The following SHROOM1 variants were observed in gnomAD, a reference collection of about 807,000 sequenced individuals.
SHROOM1 encodes protein Shroom1.
Under a neutral mutation model 64.2 loss-of-function variants are expected in SHROOM1, and 53 were observed. The ratio of observed to expected loss-of-function variants is 0.83; its 90% CI spans 0.66 to 1.04. The LOEUF (loss-of-function observed/expected upper bound fraction) is 1.04, where lower values mean the gene tolerates loss of function less well. SHROOM1 is among the 50% of genes least tolerant of loss of function. The pLI is 0.00. For synonymous variants in SHROOM1, 490 were observed against 518.9 expected, an observed-to-expected ratio of 0.94 and a Z score of 0.76; for missense variants, 1,179 against 1,163.2, an observed-to-expected ratio of 1.01 and a Z score of -0.20.
rs1297887738 is a variant in SHROOM1, at chr5:132,823,399, C to T, written c.2077G>A (p.Ala693Thr). ...QAALEAAVRQ[A>T]CAPQELERFS... ...CGCTCCAGCTCCTGAGGGGCACAGG[C>T]CTGGCGCACTGCAGCCTCCAGAGCC... Residue 693 changes from alanine to threonine, a missense_variant, in exon 9 of 10, where the codon GCC becomes ACC. By Grantham distance (58) the Ala-to-Thr change is moderately conservative. Transcript: ENST00000378679. This position sits in a 1 kb window ranked among gnomAD's most constrained non-coding sequence, Gnocchi z 4.6. 1 of 1,610,692 alleles carries T rather than the reference C, an allele frequency of 6.2e-7. No individual in the cohort carries two copies. Among genetic ancestry groups the T allele is most frequent in the South Asian group, 1.1e-5 (1 of 91,050 alleles).
Position 132,823,618 on chromosome 5 carries a change from C to G in SHROOM1, c.1953+5G>C. 6.3e-7 allele frequency: 1 copy of G among 1,582,664 alleles called. No individual in the cohort carries two copies. Among genetic ancestry groups the G allele is most frequent in the East Asian group, 2.3e-5 (1 of 44,440 alleles). On this transcript the variant is annotated splice_donor_5th_base_variant and intron_variant, in intron 8 of 9. Coordinates refer to ENST00000378679, the MANE Select transcript of SHROOM1 (RefSeq NM_001172700.2). The surrounding 1 kb of genome is among the most constrained non-coding windows in gnomAD (Gnocchi z 4.6). ...CCCAGCCTCCACCAGCCCTTCTCCA[C>G]TCACTTTCTTGCCCTGGATGCTGTT...
chr5:132,828,667 A>G (rs940533085), intron 1 of SHROOM1, among the ~76,000 whole-genome samples: 3 of 152,330 alleles, frequency 2.0e-5, no homozygotes, highest in East Asian at 3.9e-4. Context: ...ATGAAAATCT[A>G]TCTTATTTGT....
At chr5:132,829,861 C>T (rs1758798062) in intron 1 of SHROOM1, 7 of 985,484 alleles carry the variant, frequency 7.1e-6, no homozygotes, top group Non-Finnish European at 8.4e-6. Flanking sequence ...GACAGCGCAC[C>T]CCACGCAGCA....
Position 132,825,810 on chromosome 5 carries a change from C to G in SHROOM1, c.331G>C (p.Ala111Pro). The stretch of plus-strand genomic sequence containing the variant: ...GCCAGCGCGTACAGCAGCGGGGTGG[C>G]CTGCCTGTTCAGTGGTCCCGGGGTC... Reference protein sequence around the residue: ...PGTPGPLNRQATPLLYALAAE... With the variant: ...PGTPGPLNRQPTPLLYALAAE... Residue 111 changes from alanine (A) to proline (P), a missense_variant, in exon 4 of 10, where the codon GCC becomes CCC. Coordinates refer to ENST00000378679, the MANE Select transcript of SHROOM1 (RefSeq NM_001172700.2). This position sits in a 1 kb window ranked among gnomAD's most constrained non-coding sequence, Gnocchi z 5.1. 1 of 1,251,298 alleles carries G rather than the reference C, an allele frequency of 8.0e-7. No homozygotes were observed. The highest frequency in any genetic ancestry group is 3.5e-5 in the South Asian group (1 of 28,394). The allele number at this position is 1,251,298 out of a possible 1,614,324, so 77.5% of individuals were successfully genotyped here.
chr5:132,824,905 A>C lies in SHROOM1; in HGVS notation c.1035-84T>G. The C allele has an allele frequency of 6.2e-6, 10 of 1,601,014 alleles. No homozygotes were observed. In the Admixed American group the frequency reaches 1.4e-4, roughly 22 times the overall value. On this transcript the variant is annotated intron_variant, in intron 5 of 9. Transcript: ENST00000378679. ...CCAGGGAGACAGTAGGGTATTTTCAAAATAACCAGAAGGCTCAGACTGAGG... is the reference window on the plus strand; with the variant it reads ...CCAGGGAGACAGTAGGGTATTTTCACAATAACCAGAAGGCTCAGACTGAGG...
At position 132,823,929 on chromosome 5, in the gene SHROOM1, G is replaced by C. The variant is rs549882743; in HGVS notation, c.1732C>G (p.Pro578Ala). 3.8e-6 allele frequency: 6 copies of C among 1,574,424 alleles called. No homozygotes were observed. In the African/African-American group the frequency reaches 8.1e-5, roughly 21 times the overall value. ...ATTGCAGCCCGGACCTCTGCTAAAGGAATCAGTCCATCCAGCAGGCCCAGG... is the reference window on the plus strand; with the variant it reads ...ATTGCAGCCCGGACCTCTGCTAAAGCAATCAGTCCATCCAGCAGGCCCAGG... The part of the protein sequence containing the change: ...PPLGLLDGLI[P>A]LAEVRAAMRP... Residue 578 changes from proline (P) to alanine (A), a missense_variant, in exon 7 of 10, where the codon CCT becomes GCT. Coordinates refer to ENST00000378679, the MANE Select transcript of SHROOM1 (RefSeq NM_001172700.2). This position sits in a 1 kb window ranked among gnomAD's most constrained non-coding sequence, Gnocchi z 4.6.
At chr5:132,824,930 G>A (rs1347870871) in intron 5 of SHROOM1, 88 bp downstream of exon 5, 2 of 1,601,254 alleles carry the variant, frequency 1.2e-6, no homozygotes, top group East Asian at 2.2e-5. Flanking sequence ...TCAGACTGAG[G>A]GTAGGTAGGA....
chr5:132,825,240 C>T lies in SHROOM1; in HGVS notation c.901G>A (p.Ala301Thr), dbSNP rs759387484. The change falls in exon 4 of 10, where the codon GCC (alanine) becomes ACC (threonine). Residue 301 changes from alanine (A) to threonine (T), a missense_variant. Ala to Thr is a moderately conservative substitution (Grantham distance 58). Transcript: ENST00000378679. This position sits in a 1 kb window ranked among gnomAD's most constrained non-coding sequence, Gnocchi z 5.1. ...CCTGAAGCGCTCCGACTCCGACTGG[C>T]GGGCCTGAAGGCATCACCGAGCTTC... ...SLKLGDAFRP[A>T]SRSRSASGEV... The T allele has an allele frequency of 6.2e-6, 10 of 1,613,740 alleles. No individual in the cohort carries two copies. In the African/African-American group the frequency reaches 6.7e-5, roughly 11 times the overall value.
At chr5:132,826,644 G>C (rs1191626404) in intron 2 of SHROOM1, 57 bp from the exon 3 acceptor site, 1 of 153,686 alleles carries the variant, frequency 6.5e-6, no homozygotes, top group Non-Finnish European at 1.4e-5. Flanking sequence ...AGAAAGGAGG[G>C]GTGGGGGAAG....
Position 132,825,549 on chromosome 5 carries a change from G to C in SHROOM1, c.592C>G (p.Pro198Ala). ...GGCGCGGGAGCCCGGGAGCGCGCCG[G>C]CTCCCCCTCCCCGCCCGGGTGGCTG... Reference protein sequence around the residue: ...SLSHPGGEGEPARSRAPAPGT... With the variant: ...SLSHPGGEGEAARSRAPAPGT... The change falls in exon 4 of 10, where the codon CCG (proline) becomes GCG (alanine). Residue 198 changes from proline (P) to alanine (A), a missense_variant. Physicochemically the swap from Pro to Ala is conservative, Grantham distance 27. Coordinates refer to ENST00000378679, the MANE Select transcript of SHROOM1 (RefSeq NM_001172700.2). This position sits in a 1 kb window ranked among gnomAD's most constrained non-coding sequence, Gnocchi z 5.1. 7.0e-7 allele frequency: 1 copy of C among 1,426,558 alleles called. No individual in the cohort carries two copies. The highest frequency in any genetic ancestry group is 9.1e-7 in the Non-Finnish European group (1 of 1,098,322). 88.4% of individuals were successfully genotyped at this position (1,426,558 alleles called of 1,614,324 possible). A position where few individuals can be genotyped will look rare whatever the true frequency, so the allele number is the denominator to read the frequency against.
chr5:132,829,902 G>T (rs1758798811), intron 1 of SHROOM1: 2 of 985,370 alleles, frequency 2.0e-6, no homozygotes, highest in African/African-American at 1.7e-5. Context: ...CTGGTTTACG[G>T]GCTCATCGGT....
chr5:132,830,126 A>G lies in SHROOM1; in HGVS notation c.-501+468T>C. 8.1e-6 allele frequency: 8 copies of G among 985,270 alleles called. No homozygotes were observed. The highest frequency in any genetic ancestry group is 4.7e-5 in the South Asian group (1 of 21,286). 61.0% of individuals were successfully genotyped at this position (985,270 alleles called of 1,614,324 possible). A position where few individuals can be genotyped will look rare whatever the true frequency, so the allele number is the denominator to read the frequency against. On this transcript the variant is annotated intron_variant, in intron 1 of 9. Coordinates refer to ENST00000378679, the MANE Select transcript of SHROOM1 (RefSeq NM_001172700.2). This position sits in a 1 kb window ranked among gnomAD's most constrained non-coding sequence, Gnocchi z 5.9. The stretch of plus-strand genomic sequence containing the variant: ...GCAGAGACACGCGGAGCGGCTCGAC[A>G]GCAGATGGCCGCAGCCCCGCGCAGT...
In SHROOM1 at chr5:132,825,560, C is replaced by T; in HGVS notation, c.581G>A (p.Gly194Glu). The stretch of plus-strand genomic sequence containing the variant: ...CCGGGAGCGCGCCGGCTCCCCCTCC[C>T]CGCCCGGGTGGCTGAGCGAGGCGGA... ...PRSASLSHPGGEGEPARSRAP... is the reference protein window; with the variant it reads ...PRSASLSHPGEEGEPARSRAP... Residue 194 changes from glycine (G) to glutamate (E), a missense_variant, in exon 4 of 10, where the codon GGG becomes GAG. Coordinates refer to ENST00000378679, the MANE Select transcript of SHROOM1 (RefSeq NM_001172700.2). The surrounding 1 kb of genome is among the most constrained non-coding windows in gnomAD (Gnocchi z 5.1). 1 of 1,415,746 alleles carries T rather than the reference C, an allele frequency of 7.1e-7. No homozygotes were observed. The highest frequency in any genetic ancestry group is 9.1e-7 in the Non-Finnish European group (1 of 1,093,418). 87.7% of individuals were successfully genotyped at this position (1,415,746 alleles called of 1,614,324 possible).
In SHROOM1 at chr5:132,825,639, G is replaced by A; in HGVS notation, c.502C>T (p.Pro168Ser). ...GGGACAGTGGGCCGCAGACGGGCGG[G>A]CAGGCTCATGCGGAGCTCCTTGCGC... is the stretch of plus-strand genomic sequence containing the variant. ...FQRKELRMSL[P>S]ARLRPTVPAR... Residue 168 changes from proline (P) to serine (S), a missense_variant, in exon 4 of 10, where the codon CCC becomes TCC. By Grantham distance (74) the Pro-to-Ser change is moderately conservative (BLOSUM62 -1). Transcript: ENST00000378679. This position sits in a 1 kb window ranked among gnomAD's most constrained non-coding sequence, Gnocchi z 5.1. 1 of 1,345,642 alleles carries A rather than the reference G, an allele frequency of 7.4e-7. No individual in the cohort carries two copies. Among genetic ancestry groups the A allele is most frequent in the Non-Finnish European group, 9.5e-7 (1 of 1,055,514 alleles). 83.4% of individuals were successfully genotyped at this position (1,345,642 alleles called of 1,614,324 possible).
In SHROOM1 at chr5:132,822,852, G is replaced by A. The variant is rs1044944431; in HGVS notation, c.2503C>T (p.Arg835Trp). The change falls in exon 10 of 10, where the codon CGG becomes TGG. Residue 835 changes from arginine to tryptophan, a missense_variant. Physicochemically the swap from Arg to Trp is moderately radical, Grantham distance 101. Coordinates refer to ENST00000378679, the MANE Select transcript of SHROOM1 (RefSeq NM_001172700.2). Reference protein sequence around the residue: ...GHHAPSPSPARPPGTCPPVQP... With the variant: ...GHHAPSPSPAWPPGTCPPVQP... The stretch of plus-strand genomic sequence containing the variant: ...ACTGGAGGACAGGTCCCTGGGGGCC[G>A]CGCCGGGCTGGGAGACGGGGCATGA... 6 of 1,613,112 alleles carry A rather than the reference G, an allele frequency of 3.7e-6. No individual in the cohort carries two copies. The highest frequency in any genetic ancestry group is 5.1e-6 in the Non-Finnish European group (6 of 1,179,840).
rs1758522568 is a variant in SHROOM1 at position 132,823,380 on chromosome 5, A to AG, written c.2095dup (p.Leu699ProfsTer42). 1 of 1,609,578 alleles carries AG rather than the reference A, an allele frequency of 6.2e-7. No homozygotes were observed. Among genetic ancestry groups the AG allele is most frequent in the Non-Finnish European group, 8.5e-7 (1 of 1,179,760 alleles). On this transcript the variant is annotated frameshift_variant, in exon 9 of 10. Transcript: ENST00000378679. LOFTEE classifies it high-confidence loss of function. This position sits in a 1 kb window ranked among gnomAD's most constrained non-coding sequence, Gnocchi z 4.6. ...GGCCATGAACCGGCTGAACCGCTCCAGCTCCTGAGGGGCACAGGCCTGGCG... is the reference window on the plus strand; with the variant it reads ...GGCCATGAACCGGCTGAACCGCTCCAGGCTCCTGAGGGGCACAGGCCTGGCG...
In SHROOM1 at chr5:132,825,530, G is replaced by A. The variant is rs749197644; in HGVS notation, c.611C>T (p.Pro204Leu). ...GEGEPARSRAPAPGTAGRGPL... is the reference protein window; with the variant it reads ...GEGEPARSRALAPGTAGRGPL... The stretch of plus-strand genomic sequence containing the variant: ...ACCCCGGCCGGCAGTTCCTGGCGCG[G>A]GAGCCCGGGAGCGCGCCGGCTCCCC... The change falls in exon 4 of 10, where the codon CCC becomes CTC. Residue 204 changes from proline (P) to leucine (L), a missense_variant. By Grantham distance (98) the Pro-to-Leu change is moderately conservative (BLOSUM62 -3). Transcript: ENST00000378679. This position sits in a 1 kb window ranked among gnomAD's most constrained non-coding sequence, Gnocchi z 5.1. The A allele has an allele frequency of 6.9e-7, 1 of 1,448,170 alleles. No individual in the cohort carries two copies. The highest frequency in any genetic ancestry group is 9.0e-7 in the Non-Finnish European group (1 of 1,109,090). 89.7% of individuals were successfully genotyped at this position (1,448,170 alleles called of 1,614,324 possible).
chr5:132,827,251 C>G lies in SHROOM1; in HGVS notation c.-354+210G>C, dbSNP rs543330455. Among the ~76,000 whole-genome samples, 4 of 152,328 alleles carry G rather than the reference C, an allele frequency of 2.6e-5. No individual in the cohort carries two copies. The South Asian group carries it at 6.2e-4, about 24-fold the overall frequency. ...CCTCCCATTCCCACCCCTGAGCTTC[C>G]TGAGAATGGGCCCTGCTCTTCCTCA... On this transcript the variant is annotated intron_variant, in intron 2 of 9. Transcript: ENST00000378679.
rs1758479968 is a variant in SHROOM1, at chr5:132,822,643, G to A, written c.*153C>T. ...CTCCCAAAGTGCTGGGATTACAGGC[G>A]TGAGCCACCGCGCCCGGCTGGAGGA... On this transcript the variant is annotated 3_prime_UTR_variant, in exon 10 of 10. Transcript: ENST00000378679. 2.3e-6 allele frequency: 2 copies of A among 886,342 alleles called. No individual in the cohort carries two copies. Among genetic ancestry groups the A allele is most frequent in the Non-Finnish European group, 3.4e-6 (2 of 592,698 alleles). The allele number at this position is 886,342 out of a possible 1,614,324, so 54.9% of individuals were successfully genotyped here. A position where few individuals can be genotyped will look rare whatever the true frequency, so the allele number is the denominator to read the frequency against.
Sources: gnomAD v4.1 joint callset for allele counts (sites outside exome capture counted in the v4.1 genomes callset) on GRCh38, gnomAD v4.1.1 for gene constraint, Gnocchi (gnomAD v3.1) non-coding constraint, MANE v1.5 for transcripts, NCBI Gene and HGNC (gene_info 2026-07-23, HGNC 2026-07-21) for gene names.